The following RPS6KA2 variants were observed in gnomAD, a reference collection of about 807,000 sequenced individuals.
RPS6KA2 encodes the protein ribosomal protein S6 kinase A2, also known as ribosomal protein S6 kinase alpha-2.
A neutral mutation model predicts 91.8 loss-of-function variants in RPS6KA2; 42 were observed. That is an observed-to-expected ratio of 0.46 (90% CI 0.36 to 0.59). RPS6KA2 has a LOEUF of 0.59. RPS6KA2 is among the 20% of genes least tolerant of loss of function. The pLI is 0.00. For synonymous variants in RPS6KA2, 414 were observed against 393.6 expected (o/e 1.05, Z -0.61); for missense variants, 798 against 978.5 (o/e 0.82, Z 2.46).
chr6:166,473,940 G>GTTT (rs5881697), intron 10 of RPS6KA2, among the ~76,000 whole-genome samples: 4 of 112,080 alleles, frequency 3.6e-5, no homozygotes, highest in Non-Finnish European at 3.7e-5. Context: ...TTGTTTAAAG[G>GTTT]TTTTTTTTTT....
intron 2 of RPS6KA2, among the ~76,000 whole-genome samples, chr6:166,755,449 G>A (rs938245665): frequency 1.3e-5 from 2 of 152,100 alleles, no homozygotes; most frequent in African/African-American, 4.8e-5. Context: ...AAAGAGATGT[G>A]TTTACCTACA....
intron 10 of RPS6KA2, among the ~76,000 whole-genome samples, chr6:166,475,154 C>CCAATCCTGCTGCCAGCA (rs3835203): frequency 6.6e-6 from 1 of 151,778 alleles, no homozygotes; most frequent in African/African-American, 2.4e-5. Flanking sequence ...TGGGATGTGC[C>CCAATCCTGCTGCCAGCA]CCAGCCTGTG....
rs1790559714 is a variant in RPS6KA2, at chr6:166,732,543, A to G, written c.123+125657T>C. Among the ~76,000 whole-genome samples, 1 of 152,232 alleles carries G rather than the reference A, an allele frequency of 6.6e-6. No individual in the cohort carries two copies. Among genetic ancestry groups the G allele is most frequent in the Admixed American group, 6.5e-5 (1 of 15,282 alleles). On this transcript the variant is annotated intron_variant, in intron 2 of 21. Transcript: ENST00000503859. This position sits in a 1 kb window ranked among gnomAD's most constrained non-coding sequence, Gnocchi z 4.0. ...ACATGGGCTTGCTATGGGAGTTCAC[A>G]TGATTTGAAAAACAGATGCCCACTC...
chr6:166,807,039 C>T (rs1185886019), intron 2 of RPS6KA2, among the ~76,000 whole-genome samples: 2 of 152,044 alleles, frequency 1.3e-5, no homozygotes, highest in East Asian at 3.8e-4. Context: ...AAATGTTTTA[C>T]TATAAAAATC....
intron 3 of RPS6KA2, among the ~76,000 whole-genome samples, chr6:166,528,998 T>G (rs572527015): frequency 6.6e-6 from 1 of 152,356 alleles, no homozygotes; most frequent in East Asian, 1.9e-4. Flanking sequence ...TTAACCATTG[T>G]GGAAGACAGT....
intron 5 of RPS6KA2, among the ~76,000 whole-genome samples, chr6:166,507,619 C>T (rs1245288746): frequency 6.6e-6 from 1 of 151,426 alleles, no homozygotes; most frequent in African/African-American, 2.4e-5. Context: ...AAGCACACCA[C>T]ACACCCCACA....
At chr6:166,781,515 C>A (rs1292873600) in intron 2 of RPS6KA2, among the ~76,000 whole-genome samples, 1 of 152,172 alleles carries the variant, frequency 6.6e-6, no homozygotes, top group African/African-American at 2.4e-5. Flanking sequence ...ATGCACCCAC[C>A]CAAGTCAGGC....
intron 1 of RPS6KA2, among the ~76,000 whole-genome samples, chr6:166,614,288 C>G (rs1454575390): frequency 6.6e-6 from 1 of 152,244 alleles, no homozygotes; most frequent in Non-Finnish European, 1.5e-5. Context: ...GGAGGCTGAA[C>G]ATCTGGCTCT....
At chr6:166,647,110 T>C (rs1418026560) in intron 2 of RPS6KA2, among the ~76,000 whole-genome samples, 2 of 152,188 alleles carry the variant, frequency 1.3e-5, no homozygotes, top group Non-Finnish European at 2.9e-5. Context: ...GAAATCGTTC[T>C]GAGTCATGCC....
At chr6:166,775,722 G>C (rs976617953) in intron 2 of RPS6KA2, among the ~76,000 whole-genome samples, 14 of 152,252 alleles carry the variant, frequency 9.2e-5, no homozygotes, top group African/African-American at 3.4e-4. Context: ...CAGGGCTGCA[G>C]CCCGGGGATC....
chr6:166,640,695 C>T (rs918989589), intron 2 of RPS6KA2, among the ~76,000 whole-genome samples: 3 of 151,928 alleles, frequency 2.0e-5, no homozygotes, highest in Non-Finnish European at 2.9e-5. Flanking sequence ...TAAACGCAGG[C>T]AAAAATGAGG....
At chr6:166,722,641 G>A (rs1434760223) in intron 2 of RPS6KA2, among the ~76,000 whole-genome samples, 1 of 152,240 alleles carries the variant, frequency 6.6e-6, no homozygotes, top group Admixed American at 6.5e-5. Flanking sequence ...AGAAGAGCCA[G>A]GACACCTTTC....
In RPS6KA2 at chr6:166,761,106, C is replaced by T. The variant is rs1229447756; in HGVS notation, c.123+97094G>A. Among the ~76,000 whole-genome samples, 4 of 152,324 alleles carry T rather than the reference C, an allele frequency of 2.6e-5. No individual in the cohort carries two copies. The East Asian group carries it at 7.7e-4, about 29-fold the overall frequency. ...TGAGACCGAGTCTTGCTCTGTTGCC[C>T]AGGCTGGAGTGCAGTGGTGCGATCT... On this transcript the variant is annotated intron_variant, in intron 2 of 21. Coordinates refer to the RPS6KA2 transcript ENST00000503859.
In RPS6KA2 at chr6:166,626,038, T is replaced by C. The variant is rs1021759954; in HGVS notation, c.99+883A>G. 2.0e-5 allele frequency among the ~76,000 whole-genome samples: 3 copies of C among 152,246 alleles called. No individual in the cohort carries two copies. The highest frequency in any genetic ancestry group is 7.2e-5 in the African/African-American group (3 of 41,464). On this transcript the variant is annotated intron_variant, in intron 1 of 20. Transcript: ENST00000265678. This position sits in a 1 kb window ranked among gnomAD's most constrained non-coding sequence, Gnocchi z 4.1. ...ACCAAAACCCCACAGGTGCCAGCCT[T>C]GAGGCAAAGGCGGGACAGTGTCAGG...
intron 12 of RPS6KA2, among the ~76,000 whole-genome samples, chr6:166,453,003 G>C (rs1468770793): frequency 6.6e-6 from 1 of 152,008 alleles, no homozygotes; most frequent in Non-Finnish European, 1.5e-5. Context: ...TTCGAGACCA[G>C]TCTGGCCAAC....
chr6:166,624,946 G>T (rs1287635366), intron 1 of RPS6KA2, among the ~76,000 whole-genome samples: 1 of 151,912 alleles, frequency 6.6e-6, no homozygotes, highest in Non-Finnish European at 1.5e-5. Context: ...CGATTCTCCT[G>T]CCTCAGCCTC....
intron 2 of RPS6KA2, among the ~76,000 whole-genome samples, chr6:166,764,221 G>A (rs1481341197): frequency 2.6e-5 from 4 of 152,124 alleles, no homozygotes; most frequent in Non-Finnish European, 5.9e-5. Context: ...AGACCCCTGG[G>A]ATCGCCCGGC....
chr6:166,538,268 ATTCTT>A (rs1185626824), intron 2 of RPS6KA2, among the ~76,000 whole-genome samples: 6 of 151,996 alleles, frequency 3.9e-5, no homozygotes, highest in Admixed American at 1.3e-4. Flanking sequence ...AGAGGAATGG[ATTCTT>A]TTCTTTTCTT....
intron 1 of RPS6KA2, among the ~76,000 whole-genome samples, chr6:166,545,369 C>T (rs1783792851): frequency 6.6e-6 from 1 of 152,320 alleles, no homozygotes; most frequent in African/African-American, 2.4e-5. Flanking sequence ...ACCGCATGCA[C>T]AGTGACAATC....
Sources: allele counts gnomAD v4.1 joint callset (sites outside exome capture counted in the v4.1 genomes callset), GRCh38; gene constraint gnomAD v4.1.1; non-coding constraint Gnocchi (gnomAD v3.1); transcripts MANE v1.5; gene names NCBI Gene and HGNC (gene_info 2026-07-23, HGNC 2026-07-21).